The following CHN2 variants were observed in gnomAD, a reference collection of about 807,000 sequenced individuals.
CHN2 encodes chimerin 2.
A neutral mutation model predicts 56.3 loss-of-function variants in CHN2; 35 were observed. The ratio of observed to expected loss-of-function variants is 0.62; its 90% CI spans 0.47 to 0.82. The LOEUF (loss-of-function observed/expected upper bound fraction) is 0.82. Among genes scored for constraint, CHN2 ranks in the 40% least tolerant of loss-of-function variants. CHN2 has a pLI of 0.00. For missense variants in CHN2, 491 were observed against 580.5 expected, an observed-to-expected ratio of 0.85 and a Z score of 1.58; for synonymous variants, 210 against 212.8, an observed-to-expected ratio of 0.99 and a Z score of 0.12.
rs987408777 is a variant in CHN2, at chr7:29,415,441, C to A, written c.576+14613C>A. Among the ~76,000 whole-genome samples the A allele has an allele frequency of 2.0e-5, 3 of 152,182 alleles. No homozygotes were observed. The East Asian group carries it at 5.8e-4, about 29-fold the overall frequency. ...CATTTCTCTTTCTTTTTGTTCTATG[C>A]TATTTTGGGTGGAGTTTCTGTTTCC... On this transcript the variant is annotated intron_variant, in intron 6 of 12. Transcript: ENST00000222792.
At chr7:29,414,492 G>C (rs947203847) in intron 6 of CHN2, among the ~76,000 whole-genome samples, 7 of 152,054 alleles carry the variant, frequency 4.6e-5, no homozygotes, top group Non-Finnish European at 7.4e-5. Context: ...GAATTGGAGC[G>C]GTGGAAGTAA....
chr7:29,214,947 G>A (rs994458114), intron 1 of CHN2, among the ~76,000 whole-genome samples: 3 of 152,028 alleles, frequency 2.0e-5, no homozygotes, highest in African/African-American at 4.8e-5. Context: ...CTCTTTATTC[G>A]GTCTGTTCTC....
chr7:29,500,134 CTT>C (rs1789797139), intron 9 of CHN2, 94 bp downstream of exon 9: 10 of 1,013,756 alleles, frequency 9.9e-6, no homozygotes, highest in Admixed American at 3.5e-5. Flanking sequence ...CTCTACTACT[CTT>C]GTTGGGAAAA....
intron 5 of CHN2, 126 bp downstream of exon 5, chr7:29,398,612 AT>A (rs1801953769): frequency 1.6e-6 from 1 of 644,756 alleles, no homozygotes; most frequent in Non-Finnish European, 2.7e-6. Flanking sequence ...TGTTTATGTT[AT>A]GAGGGGGGGG....
intron 1 of CHN2, among the ~76,000 whole-genome samples, chr7:29,305,648 C>G (rs1794080307): frequency 6.6e-6 from 1 of 152,126 alleles, no homozygotes; most frequent in African/African-American, 2.4e-5. Context: ...GAATGAAAAG[C>G]CTGATAAAGT....
rs1386122806 is a variant in CHN2 at position 29,445,206 on chromosome 7, GAGTCCCAGC to G, written c.577-35072_577-35064del. ...GAGCCCAGACCCACAGAATAAGTAA[GAGTCCCAGC>G]TAGATTCTTATTGGGAACACTGAGA... On this transcript the variant is annotated intron_variant, in intron 6 of 12. Transcript: ENST00000222792. 4 of 455,288 alleles carry G rather than the reference GAGTCCCAGC, an allele frequency of 8.8e-6. No individual in the cohort carries two copies. In the East Asian group the frequency reaches 2.8e-4, roughly 32 times the overall value. 28.2% of individuals were successfully genotyped at this position (455,288 alleles called of 1,614,324 possible).
chr7:29,181,881 T>C (rs1156968690), intron 2 of CHN2, among the ~76,000 whole-genome samples: 2 of 152,196 alleles, frequency 1.3e-5, no homozygotes, highest in East Asian at 3.9e-4. Context: ...AGTACCTAAG[T>C]ATTTATTCAT....
chr7:29,291,377 C>T (rs919946168), intron 1 of CHN2, among the ~76,000 whole-genome samples: 3 of 152,070 alleles, frequency 2.0e-5, no homozygotes, highest in East Asian at 1.9e-4. Flanking sequence ...CTGACATTCC[C>T]GGTTGGTGGT....
At chr7:29,273,355 A>ATATATATATATATATATGTG (rs1790868866) in intron 1 of CHN2, among the ~76,000 whole-genome samples, 2 of 75,000 alleles carry the variant, frequency 2.7e-5, no homozygotes, top group East Asian at 1.1e-3. Context: ...ATATATATAT[A>ATATATATATATATATATGTG]TATATATATA....
At chr7:29,359,403 C>A (rs1798559841) in intron 2 of CHN2, among the ~76,000 whole-genome samples, 1 of 152,168 alleles carries the variant, frequency 6.6e-6, no homozygotes, top group South Asian at 2.1e-4. Context: ...CTTCATTCAA[C>A]AAATGCATAT....
chr7:29,255,865 T>A (rs1204538452), intron 1 of CHN2, among the ~76,000 whole-genome samples: 1 of 152,240 alleles, frequency 6.6e-6, no homozygotes, highest in Non-Finnish European at 1.5e-5. Context: ...AATCTATCAA[T>A]GCAACTTGCA....
intron 2 of CHN2, among the ~76,000 whole-genome samples, chr7:29,166,863 C>T (rs1456804337): frequency 2.0e-5 from 3 of 152,022 alleles, no homozygotes; most frequent in African/African-American, 7.2e-5. Context: ...CCTTCTTGAA[C>T]ATTTGAAACA....
At chr7:29,184,151 TGATAGATAGATAGATAGATAGATAGATA>T (rs56102038) in intron 2 of CHN2, among the ~76,000 whole-genome samples, 3 of 143,386 alleles carry the variant, frequency 2.1e-5, no homozygotes, top group African/African-American at 7.8e-5. Context: ...TACAGATAGA[TGATAGATAGATAGATAGATAGATAGATA>T]GATAGATAGA....
intron 1 of CHN2, among the ~76,000 whole-genome samples, chr7:29,331,512 C>A (rs1468258519): frequency 2.0e-5 from 3 of 152,088 alleles, no homozygotes; most frequent in Non-Finnish European, 4.4e-5. Context: ...CCCGCCACCC[C>A]CTCTTTCCTG....
intron 2 of CHN2, among the ~76,000 whole-genome samples, chr7:29,175,513 T>A (rs1249070067): frequency 3.3e-5 from 5 of 152,118 alleles, no homozygotes; most frequent in Admixed American, 3.3e-4. Context: ...CCCCTTTCAC[T>A]TGGCTCTCAT....
intron 8 of CHN2, among the ~76,000 whole-genome samples, chr7:29,496,676 T>A (rs10268281): frequency 0.52 from 79,616 of 152,064 alleles, 21,254 homozygotes; most frequent in Non-Finnish European, 0.58. Flanking sequence ...ATATCACATA[T>A]TTTCAAAGTA....
At chr7:29,375,233 C>T (rs1257898251) in intron 3 of CHN2, among the ~76,000 whole-genome samples, 1 of 99,986 alleles carries the variant, frequency 1.0e-5, no homozygotes, top group Non-Finnish European at 1.8e-5. Context: ...GAGTCTTGCT[C>T]TGTGGCCCAG....
At chr7:29,195,120 C>T (rs908863298) in intron 1 of CHN2, 130 bp downstream of exon 1, 3 of 924,152 alleles carry the variant, frequency 3.2e-6, no homozygotes, top group Non-Finnish European at 4.7e-6. Flanking sequence ...GGCAGGCGTC[C>T]GGGGTGATAC....
chr7:29,311,751 G>A (rs1195080040), intron 1 of CHN2, among the ~76,000 whole-genome samples: 1 of 152,236 alleles, frequency 6.6e-6, no homozygotes, highest in Non-Finnish European at 1.5e-5. Flanking sequence ...GGGCTGGCAT[G>A]TAGGAATCTC....
Sources: gnomAD v4.1 joint callset for allele counts (sites outside exome capture counted in the v4.1 genomes callset) on GRCh38, gnomAD v4.1.1 for gene constraint, MANE v1.5 for transcripts, NCBI Gene and HGNC (gene_info 2026-07-23, HGNC 2026-07-21) for gene names.